Variants in SORCS1 observed in about 807,000 individuals in gnomAD.
SORCS1 encodes sortilin related VPS10 domain containing receptor 1, also known as VPS10 domain-containing receptor SorCS1.
Under a neutral mutation model 146.1 loss-of-function variants are expected in SORCS1, and 60 were observed. That is an observed-to-expected ratio of 0.41 (90% confidence interval 0.33 to 0.51). The LOEUF (loss-of-function observed/expected upper bound fraction) is 0.51. SORCS1 is among the 20% of genes least tolerant of loss of function. The probability of loss-of-function intolerance (pLI) is 0.21; values close to 1 mark genes in which losing one functional copy is unlikely to be tolerated. For synonymous variants in SORCS1, 637 were observed against 584.0 expected (o/e 1.09, Z -1.31); for missense variants, 1,352 against 1,487.6 (o/e 0.91, Z 1.50).
intron 18 of SORCS1, among the ~76,000 whole-genome samples, chr10:106,644,536 T>G (rs984418460): frequency 1.3e-5 from 2 of 151,958 alleles, no homozygotes; most frequent in Non-Finnish European, 2.9e-5. Flanking sequence ...CCAGCTAATT[T>G]CTGTATTTTT....
intron 2 of SORCS1, among the ~76,000 whole-genome samples, chr10:106,899,415 C>T (rs776267273): frequency 1.8e-4 from 27 of 152,034 alleles, no homozygotes; most frequent in Admixed American, 1.7e-3. Context: ...TGTCCCAGTC[C>T]TCTCCCCTCA....
At chr10:106,747,732 T>C (rs1394612860) in intron 5 of SORCS1, among the ~76,000 whole-genome samples, 1 of 152,204 alleles carries the variant, frequency 6.6e-6, no homozygotes, top group Non-Finnish European at 1.5e-5. Flanking sequence ...TCGTGTTCTA[T>C]AGCACAACAG....
At chr10:106,686,819 C>T (rs189012042) in intron 10 of SORCS1, among the ~76,000 whole-genome samples, 5 of 152,208 alleles carry the variant, frequency 3.3e-5, no homozygotes, top group Admixed American at 6.5e-5. Context: ...AAGGGTGACC[C>T]GCCTACAGCT....
At chr10:107,067,051 T>C (rs1961940540) in intron 1 of SORCS1, among the ~76,000 whole-genome samples, 1 of 152,172 alleles carries the variant, frequency 6.6e-6, no homozygotes, top group Non-Finnish European at 1.5e-5. Flanking sequence ...AGACAGTTTA[T>C]TTGAAAGGTA....
intron 2 of SORCS1, among the ~76,000 whole-genome samples, chr10:106,891,105 C>G (rs1237336131): frequency 1.3e-5 from 2 of 152,142 alleles, no homozygotes; most frequent in African/African-American, 4.8e-5. Flanking sequence ...AACAGTAAAG[C>G]AACATGGTTC....
intron 2 of SORCS1, among the ~76,000 whole-genome samples, chr10:106,839,301 A>G (rs1564719092): frequency 6.6e-6 from 1 of 152,200 alleles, no homozygotes; most frequent in East Asian, 1.9e-4. Context: ...TGCACACAAG[A>G]ATAAGAAAGT....
intron 2 of SORCS1, among the ~76,000 whole-genome samples, chr10:106,926,207 C>T (rs1953005303): frequency 6.6e-6 from 1 of 152,034 alleles, no homozygotes; most frequent in African/African-American, 2.4e-5. Context: ...ATAGAAATGA[C>T]CTAAATGATA....
intron 2 of SORCS1, among the ~76,000 whole-genome samples, chr10:106,927,559 C>T (rs1453967826): frequency 6.6e-6 from 1 of 152,174 alleles, no homozygotes; most frequent in Non-Finnish European, 1.5e-5. Context: ...CTAGCTCGGG[C>T]AGCCTGTTTA....
At chr10:107,163,195 T>C (rs1969837931) in intron 1 of SORCS1, among the ~76,000 whole-genome samples, 2 of 152,196 alleles carry the variant, frequency 1.3e-5, no homozygotes, top group Non-Finnish European at 2.9e-5. Flanking sequence ...AAAGGGAATG[T>C]TAAGTCTTTA....
intron 1 of SORCS1, among the ~76,000 whole-genome samples, chr10:107,031,276 A>C (rs1436143256): frequency 6.6e-6 from 1 of 152,166 alleles, no homozygotes; most frequent in Non-Finnish European, 1.5e-5. Flanking sequence ...ATTTGGTTTC[A>C]TCAAAAAGTA....
At chr10:106,764,219 G>T (rs1026851333) in intron 4 of SORCS1, among the ~76,000 whole-genome samples, 1 of 152,282 alleles carries the variant, frequency 6.6e-6, no homozygotes, top group Non-Finnish European at 1.5e-5. Context: ...AGACAAAATT[G>T]CTCTATATTC....
At chr10:107,128,736 T>C (rs934954025) in intron 1 of SORCS1, among the ~76,000 whole-genome samples, 3 of 152,164 alleles carry the variant, frequency 2.0e-5, no homozygotes, top group Non-Finnish European at 4.4e-5. Context: ...GATGGAGCAC[T>C]TCTTCTATTT....
intron 1 of SORCS1, among the ~76,000 whole-genome samples, chr10:107,071,872 C>G (rs1962453941): frequency 6.6e-6 from 1 of 152,152 alleles, no homozygotes; most frequent in Non-Finnish European, 1.5e-5. Flanking sequence ...GAGGAAGCAA[C>G]TACAGAAAGC....
intron 5 of SORCS1, among the ~76,000 whole-genome samples, chr10:106,738,286 A>T (rs1207399978): frequency 6.6e-6 from 1 of 152,246 alleles, no homozygotes; most frequent in East Asian, 1.9e-4. Flanking sequence ...TGTACTATTA[A>T]TAAAAAGAAA....
At position 106,776,605 on chromosome 10, in the gene SORCS1, A is replaced by C; in HGVS notation, c.814T>G (p.Phe272Val). The change falls in exon 4 of 26, where the codon TTC becomes GTC. Residue 272 changes from phenylalanine (F) to valine (V), a missense_variant. By Grantham distance (50) the Phe-to-Val change is conservative. Transcript: ENST00000263054. ...GATYQKYRLNFYIQSLLFHPK... is the reference protein window; with the variant it reads ...GATYQKYRLNVYIQSLLFHPK... Reference sequence around the variant, plus strand: ...TGAAAAAGCAAGCTTTGAATGTAGAAGTTCAGCCGGTACTTTTGATAAGTT... The same window carrying C: ...TGAAAAAGCAAGCTTTGAATGTAGACGTTCAGCCGGTACTTTTGATAAGTT... 1.2e-6 allele frequency: 2 copies of C among 1,614,090 alleles called. No homozygotes were observed. The highest frequency in any genetic ancestry group is 1.7e-6 in the Non-Finnish European group (2 of 1,179,960).
intron 5 of SORCS1, among the ~76,000 whole-genome samples, chr10:106,747,055 A>T (rs529267471): frequency 6.6e-6 from 1 of 152,332 alleles, no homozygotes; most frequent in African/African-American, 2.4e-5. Context: ...TAATTCAATT[A>T]TTGGTAGTAT....
At chr10:106,778,877 T>TA (rs1457108463) in intron 3 of SORCS1, among the ~76,000 whole-genome samples, 1 of 152,134 alleles carries the variant, frequency 6.6e-6, no homozygotes, top group African/African-American at 2.4e-5. Flanking sequence ...GCAGAATACT[T>TA]AATCAAAATA....
chr10:106,745,853 C>G (rs949401215), intron 5 of SORCS1, among the ~76,000 whole-genome samples: 1 of 152,168 alleles, frequency 6.6e-6, no homozygotes, highest in Admixed American at 6.5e-5. Flanking sequence ...TCAAAGTTAA[C>G]ATCATCAGTA....
chr10:107,163,334 CCA>C (rs1366233719), intron 1 of SORCS1, among the ~76,000 whole-genome samples: 1 of 152,138 alleles, frequency 6.6e-6, no homozygotes, highest in East Asian at 1.9e-4. Context: ...CTGGAAAGCC[CCA>C]GTTCTCAAAA....
Sources: allele counts gnomAD v4.1 joint callset (sites outside exome capture counted in the v4.1 genomes callset), GRCh38; gene constraint gnomAD v4.1.1; transcripts MANE v1.5; gene names NCBI Gene and HGNC (gene_info 2026-07-23, HGNC 2026-07-21).